Variants in ADGRG4 observed in about 807,000 individuals in gnomAD.
ADGRG4 encodes the protein G protein-coupled receptor 112.
ADGRG4 carries 122 observed loss-of-function variants against 126.2 expected under a neutral mutation model. That is an observed-to-expected ratio of 0.97 (90% CI 0.83 to 1.12). ADGRG4 has a LOEUF of 1.12. ADGRG4 is among the 50% of genes most tolerant of loss of function. The probability of loss-of-function intolerance (pLI) is 0.00; values close to 1 mark genes in which losing one functional copy is unlikely to be tolerated. For synonymous variants in ADGRG4, 943 were observed against 838.7 expected (o/e 1.12, Z -2.15); for missense variants, 2,481 against 2,251.8 (o/e 1.10, Z -2.06).
intron 23 of ADGRG4, among the ~76,000 whole-genome samples, chrX:136,409,852 C>G (rs1569339955): frequency 8.9e-6 from 1 of 112,189 alleles, no homozygotes; most frequent in Non-Finnish European, 1.9e-5. Flanking sequence ...TTCTTATCAG[C>G]TCTGATGTGG....
chrX:136,386,302 T>C (rs2075292357), intron 15 of ADGRG4, among the ~76,000 whole-genome samples: 1 of 112,119 alleles, frequency 8.9e-6, no homozygotes, highest in African/African-American at 3.2e-5. Flanking sequence ...GGGTTTTCTA[T>C]CATGAATCTT....
At chrX:136,351,981 T>C (rs1337389398) in intron 7 of ADGRG4, among the ~76,000 whole-genome samples, 1 of 111,715 alleles carries the variant, frequency 9.0e-6, no homozygotes, top group Non-Finnish European at 1.9e-5. Context: ...TAATTTTTTC[T>C]TGATATGACT....
intron 4 of ADGRG4, among the ~76,000 whole-genome samples, chrX:136,313,574 G>A (rs1401914226): frequency 3.6e-5 from 4 of 111,815 alleles, no homozygotes; most frequent in Non-Finnish European, 7.5e-5. Flanking sequence ...GTCTAGCATA[G>A]GACAGATGAA....
chrX:136,344,468 A>C lies in ADGRG4; in HGVS notation c.762A>C (p.Gln254His), dbSNP rs771328213. 6.7e-6 allele frequency: 8 copies of C among 1,193,090 alleles called. No homozygotes were observed. In the Admixed American group the frequency reaches 1.7e-4, roughly 26 times the overall value. The part of the protein sequence containing the change: ...SQQIDMTTPS[Q>H]ITGVKPQNTA... ...AGATAGATATGACCACTCCATCCCAAATTACTGGAGTAAAACCACAAAATA... is the reference window on the plus strand; with the variant it reads ...AGATAGATATGACCACTCCATCCCACATTACTGGAGTAAAACCACAAAATA... The change falls in exon 6 of 26, where the codon CAA becomes CAC. Residue 254 changes from glutamine to histidine, a missense_variant. Transcript: ENST00000394143.
chrX:136,416,397 C>G, intron 25 of ADGRG4, 57 bp from the exon 26 acceptor site: 1 of 977,275 alleles, frequency 1.0e-6, no homozygotes, highest in Non-Finnish European at 1.4e-6. Context: ...TATGCTTCTA[C>G]TATGTGCAAA....
chrX:136,372,347 C>T (rs1219726316), intron 14 of ADGRG4, among the ~76,000 whole-genome samples: 1 of 111,708 alleles, frequency 9.0e-6, no homozygotes, highest in Non-Finnish European at 1.9e-5. Flanking sequence ...CCACTACCAT[C>T]CTATTCCTAG....
At chrX:136,352,338 A>T (rs189492418) in intron 7 of ADGRG4, among the ~76,000 whole-genome samples, 23 of 110,102 alleles carry the variant, frequency 2.1e-4, no homozygotes, top group African/African-American at 7.6e-4. Flanking sequence ...CCTTTGGTGG[A>T]CATTTAAGTT....
chrX:136,352,929 G>A (rs753842261), intron 7 of ADGRG4, among the ~76,000 whole-genome samples: 1 of 111,744 alleles, frequency 8.9e-6, no homozygotes, highest in African/African-American at 3.2e-5. Flanking sequence ...TTCTGGTGAG[G>A]CCTCTCTCCT....
chrX:136,399,454 A>T (rs1012601968), intron 20 of ADGRG4, among the ~76,000 whole-genome samples: 1 of 111,123 alleles, frequency 9.0e-6, no homozygotes, highest in Non-Finnish European at 1.9e-5. Flanking sequence ...GAGGCCATAT[A>T]TCGGGATCTT....
At position 136,405,932 on chromosome X, in the gene ADGRG4, C is replaced by A. The variant is rs1490788120; in HGVS notation, c.8895C>A (p.Asn2965Lys). The change falls in exon 23 of 26, where the codon AAC becomes AAA. Residue 2965 changes from asparagine to lysine, a missense_variant. Physicochemically the swap from Asn to Lys is moderately conservative, Grantham distance 94. Coordinates refer to ENST00000394143, the MANE Select transcript of ADGRG4 (RefSeq NM_153834.4). ...TTTTTGCTTGGGGACCCATGAGGAA[C>A]TTTTTCTTGTATTTGTTTGCCATTT... ...FAFFAWGPMR[N>K]FFLYLFAIFN... The A allele has an allele frequency of 4.4e-6, 5 of 1,134,067 alleles. No individual in the cohort carries two copies. The African/African-American group carries it at 5.5e-5, about 12-fold the overall frequency. 93.5% of individuals were successfully genotyped at this position (1,134,067 alleles called of 1,213,427 possible).
Position 136,397,910 on chromosome X carries a change from G to A in ADGRG4, c.8214G>A (p.Val2738=), listed in dbSNP as rs2075359353. The A allele has an allele frequency of 1.7e-6, 2 of 1,202,273 alleles. No individual in the cohort carries two copies. Among genetic ancestry groups the A allele is most frequent in the Non-Finnish European group, 1.1e-6 (1 of 886,971 alleles). The change falls in exon 20 of 26, where the codon GTG becomes GTA. Residue 2738 remains valine, a synonymous_variant. Coordinates refer to ENST00000394143, the MANE Select transcript of ADGRG4 (RefSeq NM_153834.4). ...MDLSRSTVDS[V]NEQILALITY... ...TATCCAGGTCTACAGTGGATTCAGT[G>A]AATGAACAGATATTAGCGCTTATAA...
At chrX:136,382,549 G>A (rs1458101039) in intron 15 of ADGRG4, among the ~76,000 whole-genome samples, 1 of 111,526 alleles carries the variant, frequency 9.0e-6, no homozygotes, top group Admixed American at 9.5e-5. Flanking sequence ...TTTCCTGGTG[G>A]AGTGACCCAA....
chrX:136,377,167 CTTTTTTTTTTT>C (rs1184343263), intron 15 of ADGRG4, among the ~76,000 whole-genome samples: 10 of 48,656 alleles, frequency 2.1e-4, no homozygotes, highest in Non-Finnish European at 3.0e-4. Flanking sequence ...GTTTTCTTTC[CTTTTTTTTTTT>C]TTTTTTTTTT....
intron 4 of ADGRG4, among the ~76,000 whole-genome samples, chrX:136,311,463 G>A (rs749375078): frequency 3.2e-4 from 35 of 109,599 alleles, no homozygotes; most frequent in African/African-American, 1.1e-3. Context: ...GACAGGCTTT[G>A]CTGGCTGAAA....
At chrX:136,319,697 TTCTATCTATCTATCTATCTATCTA>T (rs59139457) in intron 4 of ADGRG4, among the ~76,000 whole-genome samples, 1 of 95,085 alleles carries the variant, frequency 1.1e-5, no homozygotes, top group Non-Finnish European at 2.1e-5. Flanking sequence ...GCCACAGTGA[TTCTATCTATCTATCTATCTATCTA>T]TCTATCTATC....
intron 8 of ADGRG4, among the ~76,000 whole-genome samples, chrX:136,353,825 A>C (rs1023095648): frequency 8.9e-6 from 1 of 112,422 alleles, no homozygotes; most frequent in Non-Finnish European, 1.9e-5. Flanking sequence ...TGTCTAAAGC[A>C]AGAATGTTGA....
chrX:136,389,016 G>A (rs1462768294), intron 16 of ADGRG4, among the ~76,000 whole-genome samples: 1 of 111,896 alleles, frequency 8.9e-6, no homozygotes, highest in African/African-American at 3.2e-5. Context: ...AGGTTGCACT[G>A]GGCCAGCTCA....
chrX:136,347,580 C>A lies in ADGRG4; in HGVS notation c.3874C>A (p.Pro1292Thr). 8.3e-7 allele frequency: 1 copy of A among 1,207,419 alleles called. No individual in the cohort carries two copies. The change falls in exon 6 of 26, where the codon CCA becomes ACA. Residue 1292 changes from proline to threonine, a missense_variant. Pro to Thr is a conservative substitution (Grantham distance 38, BLOSUM62 -1). Transcript: ENST00000394143. Reference protein sequence around the residue: ...NSFISYSRGTPSLEMTDTGFP... With the variant: ...NSFISYSRGTTSLEMTDTGFP... ...TTTTATTTCATACTCCCGGGGTACT[C>A]CATCTTTGGAAATGACAGATACAGG...
chrX:136,398,817 A>T (rs2075364170), intron 20 of ADGRG4, among the ~76,000 whole-genome samples: 1 of 112,090 alleles, frequency 8.9e-6, no homozygotes, highest in African/African-American at 3.2e-5. Flanking sequence ...CCACTGAAAG[A>T]TATGTACAAT....
Sources: gnomAD v4.1 joint callset for allele counts (sites outside exome capture counted in the v4.1 genomes callset) on GRCh38, gnomAD v4.1.1 for gene constraint, MANE v1.5 for transcripts, NCBI Gene and HGNC (gene_info 2026-07-23, HGNC 2026-07-21) for gene names.